MAK: variants seen among roughly 807,000 people sequenced by gnomAD.
The protein encoded by MAK is male germ cell associated kinase.
MAK carries 65 observed loss-of-function variants against 82.6 expected under a neutral mutation model. The ratio of observed to expected loss-of-function variants is 0.79; its 90% CI spans 0.64 to 0.97. The LOEUF (loss-of-function observed/expected upper bound fraction) is 0.97, where lower values mean the gene tolerates loss of function less well. Among genes scored for constraint, MAK ranks in the 50% least tolerant of loss-of-function variants. The probability of loss-of-function intolerance (pLI) is 0.00; values close to 1 mark genes in which losing one functional copy is unlikely to be tolerated. For synonymous variants in MAK, 250 were observed against 274.2 expected, an observed-to-expected ratio of 0.91 and a Z score of 0.87; for missense variants, 703 against 780.2, an observed-to-expected ratio of 0.90 and a Z score of 1.18.
At chr6:10,832,653 T>C (rs1381487741) in intron 1 of MAK, among the ~76,000 whole-genome samples, 1 of 152,040 alleles carries the variant, frequency 6.6e-6, no homozygotes, top group Non-Finnish European at 1.5e-5. Context: ...CGCAAGCTAC[T>C]ACACCCAGCT....
intron 12 of MAK, among the ~76,000 whole-genome samples, chr6:10,773,690 ATTTTTT>A (rs34702806): frequency 7.3e-6 from 1 of 136,766 alleles, no homozygotes; most frequent in African/African-American, 2.7e-5. Flanking sequence ...ACTATTAGTG[ATTTTTT>A]TTTTTTTTTT....
At chr6:10,774,398 A>G (rs1747099893) in intron 12 of MAK, among the ~76,000 whole-genome samples, 1 of 152,216 alleles carries the variant, frequency 6.6e-6, no homozygotes, top group Non-Finnish European at 1.5e-5. Flanking sequence ...TCATGTATCA[A>G]CAAATGAATA....
chr6:10,779,978 G>A (rs1294982935), intron 11 of MAK, among the ~76,000 whole-genome samples: 3 of 152,136 alleles, frequency 2.0e-5, no homozygotes, highest in Admixed American at 1.3e-4. Flanking sequence ...GTGAGCCACC[G>A]CACCCGGCCA....
intron 2 of MAK, among the ~76,000 whole-genome samples, chr6:10,829,943 TCTCGTGC>T (rs1262028448): frequency 6.6e-6 from 1 of 151,758 alleles, no homozygotes; most frequent in East Asian, 1.9e-4. Context: ...TTGAAGCGAT[TCTCGTGC>T]CTCAGCCTCC....
chr6:10,805,081 T>C, intron 6 of MAK, among the ~76,000 whole-genome samples: 1 of 47,476 alleles, frequency 2.1e-5, no homozygotes, highest in East Asian at 9.8e-4. Flanking sequence ...GGGGGGGGGG[T>C]GGGGAGGGGG....
At chr6:10,786,200 G>A (rs559590315) in intron 10 of MAK, among the ~76,000 whole-genome samples, 13 of 152,242 alleles carry the variant, frequency 8.5e-5, no homozygotes, top group African/African-American at 1.9e-4. Context: ...AGCCAAGATC[G>A]CACCACTGCA....
intron 6 of MAK, among the ~76,000 whole-genome samples, chr6:10,806,691 C>A (rs1485240363): frequency 6.6e-6 from 1 of 151,822 alleles, no homozygotes; most frequent in Non-Finnish European, 1.5e-5. Flanking sequence ...CTGGGTTTCA[C>A]CACGTTGGCC....
Position 10,803,849 on chromosome 6 carries a change from A to C in MAK, c.534T>G (p.Ser178Arg). 2 of 1,614,116 alleles carry C rather than the reference A, an allele frequency of 1.2e-6. No homozygotes were observed. The highest frequency in any genetic ancestry group is 1.7e-6 in the Non-Finnish European group (2 of 1,179,982). The change falls in exon 7 of 15, where the codon AGT becomes AGG. Residue 178 changes from serine to arginine, a missense_variant. Transcript: ENST00000354489. ...PEVLLRSSVY[S>R]SPIDVWAVGS... is the part of the protein sequence containing the mutation. ...CAACAGCCCACACATCAATGGGAGA[A>C]CTATAAACTGAAGATCTCAGTAAAA...
intron 10 of MAK, among the ~76,000 whole-genome samples, chr6:10,790,110 G>T (rs1774944010): frequency 6.6e-6 from 1 of 152,186 alleles, no homozygotes; most frequent in Admixed American, 6.5e-5. Flanking sequence ...CCTATGCCAT[G>T]TAAGAGTTGA....
chr6:10,825,870 T>G (rs1294727168), intron 2 of MAK, among the ~76,000 whole-genome samples: 2 of 152,148 alleles, frequency 1.3e-5, no homozygotes, highest in East Asian at 3.8e-4. Context: ...CTAACCAACA[T>G]GACTGCACTG....
rs776197156 is a variant in MAK, at chr6:10,830,608, G to A, written c.41C>T (p.Thr14Met). 54 of 1,613,948 alleles carry A rather than the reference G, an allele frequency of 3.3e-5. No individual in the cohort carries two copies. The highest frequency in any genetic ancestry group is 3.7e-5 in the Non-Finnish European group (44 of 1,179,964). ...CTTGCCCATAAGCACACTCCCATAC[G>A]TGCCGTCCCCCAACTGTCTCATGGT... ...YTTMRQLGDGTYGSVLMGKSN... is the reference protein window; with the variant it reads ...YTTMRQLGDGMYGSVLMGKSN... The change falls in exon 2 of 15, where the codon ACG becomes ATG. Residue 14 changes from threonine to methionine, a missense_variant. Physicochemically the swap from Thr to Met is moderately conservative, Grantham distance 81. Transcript: ENST00000354489.
chr6:10,805,581 A>C (rs1581718794), intron 6 of MAK, among the ~76,000 whole-genome samples: 1 of 151,910 alleles, frequency 6.6e-6, no homozygotes, highest in East Asian at 1.9e-4. Flanking sequence ...GAAAAAAAAA[A>C]AAAAAAGAAG....
At chr6:10,816,120 C>T (rs1222768249) in intron 4 of MAK, among the ~76,000 whole-genome samples, 2 of 151,512 alleles carry the variant, frequency 1.3e-5, no homozygotes, top group Non-Finnish European at 2.9e-5. Context: ...ATTCTTCTGT[C>T]TTACCTTCCC....
At chr6:10,826,571 A>C (rs901422161) in intron 2 of MAK, 1 of 152,208 alleles carries the variant, frequency 6.6e-6, no homozygotes, top group African/African-American at 2.4e-5. Context: ...AAGGTGGAGC[A>C]CTGCCCAACA....
rs778909943 is a variant in MAK, at chr6:10,797,816, A to G, written c.832-1507T>C. ...GTACTTTAAATGGTCTTCATATTCT[A>G]CAACTTAACCAACCTCTCTCCCTAA... On this transcript the variant is annotated intron_variant, in intron 8 of 14. Transcript: ENST00000354489. 4.3e-5 allele frequency: 55 copies of G among 1,279,300 alleles called. No individual in the cohort carries two copies. The South Asian group carries it at 5.1e-4, about 12-fold the overall frequency. 79.2% of individuals were successfully genotyped at this position (1,279,300 alleles called of 1,614,324 possible). A position where few individuals can be genotyped will look rare whatever the true frequency, so the allele number is the denominator to read the frequency against.
intron 3 of MAK, among the ~76,000 whole-genome samples, chr6:10,818,197 G>A (rs1234683768): frequency 6.6e-6 from 1 of 152,148 alleles, no homozygotes; most frequent in African/African-American, 2.4e-5. Flanking sequence ...AATCTGTTAC[G>A]TTTTTCCCTT....
chr6:10,814,680 G>T (rs1466249673), intron 4 of MAK, among the ~76,000 whole-genome samples: 1 of 150,800 alleles, frequency 6.6e-6, no homozygotes, highest in South Asian at 2.2e-4. Context: ...AAAAAAAAGC[G>T]GGGGGGAAAT....
rs1346759997 is a variant in MAK at position 10,818,747 on chromosome 6, GAAATT to G, written c.156+134_156+138del. The G allele has an allele frequency of 2.4e-4, 157 of 664,148 alleles. No homozygotes were observed. The East Asian group carries it at 3.8e-3, about 16-fold the overall frequency. 41.1% of individuals were successfully genotyped at this position (664,148 alleles called of 1,614,324 possible). ...CTGACATCAGAACCAGAAGAAATGA[GAAATT>G]AATTTAGGAATATAAAGGAAAAACA... is the stretch of plus-strand genomic sequence containing the variant. On this transcript the variant is annotated intron_variant, in intron 3 of 14. Transcript: ENST00000354489.
intron 14 of MAK, among the ~76,000 whole-genome samples, chr6:10,766,772 G>C (rs1031742762): frequency 3.3e-5 from 5 of 152,176 alleles, no homozygotes; most frequent in African/African-American, 1.2e-4. Flanking sequence ...GCTAATGGGT[G>C]TGGCTCTGAG....
Sources: gnomAD v4.1 joint callset for allele counts (sites outside exome capture counted in the v4.1 genomes callset) on GRCh38, gnomAD v4.1.1 for gene constraint, MANE v1.5 for transcripts, NCBI Gene and HGNC (gene_info 2026-07-23, HGNC 2026-07-21) for gene names.